The following CHMP3 variants were observed in gnomAD, a reference collection of about 807,000 sequenced individuals.
CHMP3 encodes charged multivesicular body protein 3, also known as 25.1 protein.
Under a neutral mutation model 27.4 loss-of-function variants are expected in CHMP3, and 8 were observed. The ratio of observed to expected loss-of-function variants is 0.29; its 90% CI spans 0.17 to 0.53. The LOEUF is 0.53. Ranked by LOEUF, CHMP3 falls within the 20% of genes least tolerant of loss-of-function variation. CHMP3 has a pLI of 0.96. For missense variants in CHMP3, 208 were observed against 271.5 expected, an observed-to-expected ratio of 0.77 and a Z score of 1.64; for synonymous variants, 86 against 85.5, an observed-to-expected ratio of 1.01 and a Z score of -0.03.
chr2:86,563,234 C>T, intron 1 of CHMP3, 70 bp downstream of exon 1: 1 of 1,569,134 alleles, frequency 6.4e-7, no homozygotes, highest in Non-Finnish European at 8.7e-7. Flanking sequence ...GAAGAGTGTC[C>T]TGTCATTTAC....
chr2:86,517,288 C>G (rs983226276), intron 3 of CHMP3, among the ~76,000 whole-genome samples: 1 of 152,078 alleles, frequency 6.6e-6, no homozygotes, highest in African/African-American at 2.4e-5. Context: ...GTTTCATGGC[C>G]AGGAGCAGTG....
intron 2 of CHMP3, chr2:86,540,809 G>A (rs1478777385): frequency 6.7e-6 from 1 of 148,354 alleles, no homozygotes; most frequent in African/African-American, 2.5e-5. Flanking sequence ...ATCCTTGACT[G>A]CAAATTCAAT....
intron 3 of CHMP3, among the ~76,000 whole-genome samples, chr2:86,514,446 A>G (rs1336850294): frequency 1.3e-5 from 2 of 152,240 alleles, no homozygotes; most frequent in Non-Finnish European, 2.9e-5. Context: ...CGTGCTATTT[A>G]AAGTATAAAA....
At chr2:86,530,875 T>A (rs4832297) in intron 2 of CHMP3, among the ~76,000 whole-genome samples, 1 of 152,058 alleles carries the variant, frequency 6.6e-6, no homozygotes, top group Non-Finnish European at 1.5e-5. Flanking sequence ...ATAGTAGTCA[T>A]CCTAACGGGT....
intron 1 of CHMP3, among the ~76,000 whole-genome samples, chr2:86,554,099 T>C (rs1278121213): frequency 1.3e-5 from 2 of 152,174 alleles, no homozygotes; most frequent in Non-Finnish European, 2.9e-5. Flanking sequence ...TTTTGCCCCT[T>C]CAACCATGTG....
Position 86,542,438 on chromosome 2 carries a change from CAG to C in CHMP3, c.46-128_46-127del. On this transcript the variant is annotated intron_variant, in intron 1 of 5. Transcript: ENST00000263856. ...AAATTTAAAAAGCCATTTTCAAAGA[CAG>C]AGCTTTAGGGTCAAATTTTACTTTT... The C allele has an allele frequency of 6.3e-6, 6 of 948,936 alleles. No individual in the cohort carries two copies. The South Asian group carries it at 7.6e-5, about 12-fold the overall frequency. The allele number at this position is 948,936 out of a possible 1,614,324, so 58.8% of individuals were successfully genotyped here.
At chr2:86,514,331 C>CA (rs1432428720) in intron 3 of CHMP3, among the ~76,000 whole-genome samples, 1 of 152,136 alleles carries the variant, frequency 6.6e-6, no homozygotes. Context: ...CAAAAGAAAG[C>CA]AAAAATATCA....
At chr2:86,534,942 T>C (rs1299172644) in intron 2 of CHMP3, among the ~76,000 whole-genome samples, 1 of 152,200 alleles carries the variant, frequency 6.6e-6, no homozygotes, top group African/African-American at 2.4e-5. Flanking sequence ...ATTAGAGACT[T>C]TAAATCCATT....
chr2:86,532,333 T>A (rs1228912258), intron 2 of CHMP3, among the ~76,000 whole-genome samples: 1 of 152,152 alleles, frequency 6.6e-6, no homozygotes, highest in African/African-American at 2.4e-5. Context: ...TTCTAATAGG[T>A]CTTTTTTGAA....
intron 3 of CHMP3, among the ~76,000 whole-genome samples, chr2:86,520,796 C>A (rs537529353): frequency 9.2e-5 from 14 of 152,148 alleles, no homozygotes; most frequent in Non-Finnish European, 1.2e-4. Flanking sequence ...ACCTGGGCCT[C>A]CCTTTTATTG....
intron 2 of CHMP3, among the ~76,000 whole-genome samples, chr2:86,539,245 C>T (rs1267165903): frequency 1.3e-5 from 2 of 152,126 alleles, no homozygotes; most frequent in Non-Finnish European, 2.9e-5. Context: ...TATCAAAGTG[C>T]CCCATCCCCT....
intron 1 of CHMP3, 134 bp from the exon 2 acceptor site, chr2:86,542,446 T>C (rs1676404046): frequency 5.9e-6 from 5 of 841,568 alleles, no homozygotes; most frequent in African/African-American, 3.5e-5. Flanking sequence ...GACAGAGCTT[T>C]AGGGTCAAAT....
At chr2:86,542,339 A>G in intron 1 of CHMP3, 27 bp from the exon 2 acceptor site, 1 of 1,609,514 alleles carries the variant, frequency 6.2e-7, no homozygotes, top group Non-Finnish European at 8.5e-7. Flanking sequence ...AAAAGGAATG[A>G]GGAGAAAAGC....
intron 2 of CHMP3, 57 bp from the exon 3 acceptor site, chr2:86,529,454 A>G (rs2103945353): frequency 6.8e-7 from 1 of 1,480,272 alleles, no homozygotes; most frequent in East Asian, 2.4e-5. Context: ...TTGGCACTCA[A>G]ATACATTCTT....
intron 2 of CHMP3, among the ~76,000 whole-genome samples, chr2:86,535,741 G>A (rs1184925360): frequency 6.6e-6 from 1 of 152,110 alleles, no homozygotes; most frequent in Non-Finnish European, 1.5e-5. Flanking sequence ...CCTGGCCTTA[G>A]GTGATCCGCC....
intron 4 of CHMP3, 85 bp downstream of exon 4, chr2:86,510,273 C>CCCCCCCCCCCCA: frequency 3.8e-6 from 5 of 1,306,790 alleles, no homozygotes; most frequent in Non-Finnish European, 4.2e-6. Flanking sequence ...TGTTCATCCC[C>CCCCCCCCCCCCA]ACCCACCCTC....
chr2:86,511,516 A>C (rs1675106821), intron 3 of CHMP3: 1 of 151,932 alleles, frequency 6.6e-6, no homozygotes, highest in African/African-American at 2.4e-5. Flanking sequence ...TAAAATGATA[A>C]AAAAGTTATA....
intron 2 of CHMP3, chr2:86,541,027 A>G (rs1249678241): frequency 6.6e-6 from 1 of 152,128 alleles, no homozygotes; most frequent in African/African-American, 2.4e-5. Flanking sequence ...GCAGGCAGTC[A>G]AATTACCTGC....
At chr2:86,510,270 C>G in intron 4 of CHMP3, 88 bp downstream of exon 4, 160 of 1,214,988 alleles carry the variant, frequency 1.3e-4, no homozygotes, top group Non-Finnish European at 1.6e-4. Flanking sequence ...GTCTGTTCAT[C>G]CCCACCCACC....
Sources: allele counts gnomAD v4.1 joint callset (sites outside exome capture counted in the v4.1 genomes callset), GRCh38; gene constraint gnomAD v4.1.1; transcripts MANE v1.5; gene names NCBI Gene and HGNC (gene_info 2026-07-23, HGNC 2026-07-21).